ADCY5: variants seen among roughly 807,000 people sequenced by gnomAD.
ADCY5 encodes the protein adenylate cyclase type 5.
Under a neutral mutation model 119.7 loss-of-function variants are expected in ADCY5, and 30 were observed. That is an observed-to-expected ratio of 0.25 (90% CI 0.19 to 0.34). The LOEUF (loss-of-function observed/expected upper bound fraction) is 0.34, where lower values mean the gene tolerates loss of function less well. Ranked by LOEUF, ADCY5 falls within the 10% of genes least tolerant of loss-of-function variation. The pLI is 1.00. For synonymous variants in ADCY5, 753 were observed against 762.2 expected (o/e 0.99, Z 0.20); for missense variants, 1,324 against 1,775.2 (o/e 0.75, Z 4.57).
At chr3:123,309,294 T>A (rs1478245783) in intron 12 of ADCY5, among the ~76,000 whole-genome samples, 1 of 152,106 alleles carries the variant, frequency 6.6e-6, no homozygotes, top group Non-Finnish European at 1.5e-5. Flanking sequence ...ATGCAGTAGC[T>A]CCTACTTCAG....
At chr3:123,354,996 T>C (rs976390292) in intron 1 of ADCY5, among the ~76,000 whole-genome samples, 6 of 152,212 alleles carry the variant, frequency 3.9e-5, no homozygotes, top group African/African-American at 1.4e-4. Flanking sequence ...AGCTAAATTA[T>C]ATCAAACTTA....
chr3:123,326,275 AAC>A (rs999235647), intron 7 of ADCY5, among the ~76,000 whole-genome samples: 4 of 152,180 alleles, frequency 2.6e-5, no homozygotes, highest in African/African-American at 9.7e-5. Flanking sequence ...TCTATGGGCC[AAC>A]ACACTCCCCA....
At position 123,286,938 on chromosome 3, in the gene ADCY5, C is replaced by T; in HGVS notation, c.3533-129G>A. ...CACCCGTGGGCTTCCAGGCCCAAGG[C>T]TGTGCTAAACCCTGCAGCCTCCCGC... is the stretch of plus-strand genomic sequence containing the variant. On this transcript the variant is annotated intron_variant, in intron 19 of 20. Coordinates refer to ENST00000462833, the MANE Select transcript of ADCY5 (RefSeq NM_183357.3). The surrounding 1 kb of genome is among the most constrained non-coding windows in gnomAD (Gnocchi z 4.2). 7.6e-7 allele frequency: 1 copy of T among 1,307,738 alleles called. No homozygotes were observed. Among genetic ancestry groups the T allele is most frequent in the East Asian group, 2.6e-5 (1 of 38,934 alleles). The allele number at this position is 1,307,738 out of a possible 1,614,324, so 81.0% of individuals were successfully genotyped here. A position where few individuals can be genotyped will look rare whatever the true frequency, so the allele number is the denominator to read the frequency against.
chr3:123,372,296 C>G (rs1241776938), intron 1 of ADCY5, among the ~76,000 whole-genome samples: 1 of 152,156 alleles, frequency 6.6e-6, no homozygotes, highest in Admixed American at 6.5e-5. Flanking sequence ...TCAGAAGCAG[C>G]CCACACTGCT....
chr3:123,356,182 T>C (rs779808591), intron 1 of ADCY5, among the ~76,000 whole-genome samples: 4 of 152,166 alleles, frequency 2.6e-5, no homozygotes, highest in Admixed American at 6.5e-5. Flanking sequence ...ATGAGAACTA[T>C]AGATATAAAA....
chr3:123,305,751 G>A (rs2108277466), intron 12 of ADCY5, among the ~76,000 whole-genome samples: 1 of 152,328 alleles, frequency 6.6e-6, no homozygotes, highest in Non-Finnish European at 1.5e-5. Flanking sequence ...CTTGGGGCTG[G>A]CTGTGTGCAT....
intron 1 of ADCY5, among the ~76,000 whole-genome samples, chr3:123,385,345 T>A (rs1944186274): frequency 6.6e-6 from 1 of 152,082 alleles, no homozygotes; most frequent in Non-Finnish European, 1.5e-5. Flanking sequence ...TGTGTGTGGC[T>A]GTGAGTATGT....
At chr3:123,426,567 G>A (rs980558946) in intron 1 of ADCY5, among the ~76,000 whole-genome samples, 2 of 152,100 alleles carry the variant, frequency 1.3e-5, no homozygotes, top group Non-Finnish European at 2.9e-5. Context: ...GAGACCTCAG[G>A]TGATCTGCCC....
chr3:123,331,713 A>C (rs755077204), intron 4 of ADCY5, among the ~76,000 whole-genome samples: 1 of 151,930 alleles, frequency 6.6e-6, no homozygotes, highest in African/African-American at 2.4e-5. Flanking sequence ...TGGCTCCCAA[A>C]GATAGTTGAG....
At position 123,296,135 on chromosome 3, in the gene ADCY5, G is replaced by A. The variant is rs142086014; in HGVS notation, c.3012C>T (p.His1004=). ...ISVFVLALYL[H]AQQVESTARL... is the part of the protein sequence containing the mutation. The stretch of plus-strand genomic sequence containing the variant: ...GGGCAGTGGACTCCACCTGCTGGGC[G>A]TGCAGGTACAGGGCCAGCACAAAGA... Residue 1004 remains histidine (H), a synonymous_variant, in exon 17 of 21, where the codon CAC becomes CAT. Transcript: ENST00000462833. 7.4e-4 allele frequency: 1,196 copies of A among 1,614,002 alleles called. 8 individuals are homozygous for A. The African/African-American group carries it at 9.2e-3, about 12-fold the overall frequency.
chr3:123,295,634 C>G lies in ADCY5; in HGVS notation c.3063+450G>C, dbSNP rs140162443. On this transcript the variant is annotated intron_variant, in intron 17 of 20. Transcript: ENST00000462833. Reference sequence around the variant, plus strand: ...AGCCCTGCTCAGAAACCTTTGGTGCCAGTTCCCTACCCTGGCCAGGTTCCT... The same window carrying G: ...AGCCCTGCTCAGAAACCTTTGGTGCGAGTTCCCTACCCTGGCCAGGTTCCT... Among the ~76,000 whole-genome samples, 233 of 152,332 alleles carry G rather than the reference C, an allele frequency of 1.5e-3. 1 individual carries two copies. The highest frequency in any genetic ancestry group is 5.4e-3 in the African/African-American group (225 of 41,582).
At chr3:123,320,405 G>A (rs1287166067) in intron 9 of ADCY5, among the ~76,000 whole-genome samples, 1 of 152,248 alleles carries the variant, frequency 6.6e-6, no homozygotes. Context: ...GGAGAAGAGG[G>A]CATTGCCTCG....
intron 19 of ADCY5, 141 bp downstream of exon 19, chr3:123,289,609 C>T: frequency 1.0e-6 from 1 of 970,730 alleles, no homozygotes; most frequent in Non-Finnish European, 1.6e-6. Context: ...GGGCAGGGAA[C>T]ACACCACATC....
intron 1 of ADCY5, among the ~76,000 whole-genome samples, chr3:123,408,743 G>A (rs1386952344): frequency 1.3e-5 from 2 of 151,798 alleles, no homozygotes; most frequent in Non-Finnish European, 2.9e-5. Context: ...TTGGGAGGCC[G>A]AGTGGGTGGA....
intron 1 of ADCY5, among the ~76,000 whole-genome samples, chr3:123,442,602 C>G (rs1042719696): frequency 1.8e-4 from 28 of 152,246 alleles, no homozygotes; most frequent in Admixed American, 1.8e-3. Flanking sequence ...GGTCCCACAG[C>G]ACACAGAACT....
In ADCY5 at chr3:123,290,302, G is replaced by A. The variant is rs556370611; in HGVS notation, c.3328-348C>T. Among the ~76,000 whole-genome samples the A allele has an allele frequency of 2.6e-5, 4 of 152,198 alleles. No homozygotes were observed. The East Asian group carries it at 7.7e-4, about 29-fold the overall frequency. ...AGGGAAACCTCCATTTGTCCAGCAGGCAAATTCTTTCCCTACCCCCTGGCC... is the reference window on the plus strand; with the variant it reads ...AGGGAAACCTCCATTTGTCCAGCAGACAAATTCTTTCCCTACCCCCTGGCC... On this transcript the variant is annotated intron_variant, in intron 18 of 20. Coordinates refer to ENST00000462833, the MANE Select transcript of ADCY5 (RefSeq NM_183357.3).
chr3:123,432,625 G>C (rs1945544654), intron 1 of ADCY5, among the ~76,000 whole-genome samples: 1 of 152,028 alleles, frequency 6.6e-6, no homozygotes, highest in Non-Finnish European at 1.5e-5. Context: ...CGACCTCCTG[G>C]GCTCCAGTGA....
In ADCY5 at chr3:123,296,895, A is replaced by G. The variant is rs1939548522; in HGVS notation, c.2930+458T>C. On this transcript the variant is annotated intron_variant, in intron 16 of 20. Coordinates refer to ENST00000462833, the MANE Select transcript of ADCY5 (RefSeq NM_183357.3). ...AAGAGCTCAACCCCTGGAAGGCTGC[A>G]CAGAGGCTCCAGTGACCCCCCGCCC... The G allele has an allele frequency of 2.5e-6, 3 of 1,181,714 alleles. No individual in the cohort carries two copies. In the Admixed American group the frequency reaches 7.5e-5, roughly 30 times the overall value. The allele number at this position is 1,181,714 out of a possible 1,614,324, so 73.2% of individuals were successfully genotyped here. A position where few individuals can be genotyped will look rare whatever the true frequency, so the allele number is the denominator to read the frequency against.
chr3:123,289,974 C>T lies in ADCY5; in HGVS notation c.3328-20G>A. 1 of 1,612,840 alleles carries T rather than the reference C, an allele frequency of 6.2e-7. No homozygotes were observed. Among genetic ancestry groups the T allele is most frequent in the Non-Finnish European group, 8.5e-7 (1 of 1,179,328 alleles). The stretch of plus-strand genomic sequence containing the variant: ...GATGATCTGGATGAAGGAGGCCAAA[C>T]CTGGGTCACCCCAAGCCTGGGACAC... On this transcript the variant is annotated intron_variant, in intron 18 of 20. Coordinates refer to ENST00000462833, the MANE Select transcript of ADCY5 (RefSeq NM_183357.3).
Sources: gnomAD v4.1 joint callset for allele counts (sites outside exome capture counted in the v4.1 genomes callset) on GRCh38, gnomAD v4.1.1 for gene constraint, Gnocchi (gnomAD v3.1) non-coding constraint, MANE v1.5 for transcripts, NCBI Gene and HGNC (gene_info 2026-07-23, HGNC 2026-07-21) for gene names.